Variants in BBX observed in about 807,000 individuals in gnomAD.
BBX encodes HMG box transcription factor BBX.
In BBX, 30 loss-of-function variants were observed where a neutral mutation model predicts 100.2. That is an observed-to-expected ratio of 0.30 (90% confidence interval 0.22 to 0.41). The LOEUF (loss-of-function observed/expected upper bound fraction) is 0.41. BBX is among the 10% of genes least tolerant of loss of function. BBX has a pLI of 1.00. For missense variants in BBX, 1,023 were observed against 1,129.8 expected, an observed-to-expected ratio of 0.91 and a Z score of 1.35; for synonymous variants, 376 against 388.1, an observed-to-expected ratio of 0.97 and a Z score of 0.37.
chr3:107,722,920 A>G (rs1017154510), intron 5 of BBX, among the ~76,000 whole-genome samples: 4 of 152,018 alleles, frequency 2.6e-5, no homozygotes, highest in African/African-American at 2.4e-5. Context: ...CCACCCTTGT[A>G]TAATGTAATT....
chr3:107,604,831 G>A (rs1576466249), intron 2 of BBX, among the ~76,000 whole-genome samples: 1 of 148,198 alleles, frequency 6.7e-6, no homozygotes, highest in Admixed American at 6.9e-5. Flanking sequence ...TCCACACAGG[G>A]AGATAATACA....
intron 3 of BBX, among the ~76,000 whole-genome samples, chr3:107,691,834 A>C (rs73850124): frequency 0.014 from 2,066 of 152,324 alleles, 41 homozygotes; most frequent in African/African-American, 0.048. Context: ...TACCAAAGTG[A>C]AAGTAGGTGG....
intron 15 of BBX, among the ~76,000 whole-genome samples, chr3:107,797,694 A>C (rs1313227468): frequency 6.6e-6 from 1 of 152,070 alleles, no homozygotes; most frequent in Non-Finnish European, 1.5e-5. Flanking sequence ...TAAGAAAATG[A>C]GTATGTAAGA....
chr3:107,524,812 G>GC (rs1375257653), intron 1 of BBX, among the ~76,000 whole-genome samples: 1 of 136,998 alleles, frequency 7.3e-6, no homozygotes, highest in Non-Finnish European at 1.6e-5. Flanking sequence ...TGGGGGGGGG[G>GC]GCGAAGGGGA....
chr3:107,584,936 C>T (rs1559842142), intron 2 of BBX, among the ~76,000 whole-genome samples: 1 of 151,902 alleles, frequency 6.6e-6, no homozygotes, highest in Non-Finnish European at 1.5e-5. Flanking sequence ...CCCACCTCGT[C>T]CTCCCAAAGT....
At chr3:107,673,243 G>A (rs765117139) in intron 3 of BBX, among the ~76,000 whole-genome samples, 1 of 152,018 alleles carries the variant, frequency 6.6e-6, no homozygotes, top group Non-Finnish European at 1.5e-5. Flanking sequence ...TAGAGAAAAC[G>A]TTCCTTGTAG....
At chr3:107,646,129 T>C (rs2057503891) in intron 3 of BBX, 1 of 152,202 alleles carries the variant, frequency 6.6e-6, no homozygotes, top group Non-Finnish European at 1.5e-5. Flanking sequence ...GTGTTAAAAC[T>C]AGCGGTTTCA....
intron 2 of BBX, among the ~76,000 whole-genome samples, chr3:107,611,163 A>G (rs776184881): frequency 1.3e-5 from 2 of 151,826 alleles, no homozygotes; most frequent in Non-Finnish European, 2.9e-5. Flanking sequence ...ACTTTTTAAC[A>G]TTTTGCTTTT....
At chr3:107,524,649 A>G (rs901279773) in intron 1 of BBX, 9 of 146,442 alleles carry the variant, frequency 6.1e-5, no homozygotes, top group South Asian at 2.2e-4. Context: ...CAGAGAGAGA[A>G]GCTATTTTTT....
chr3:107,565,378 G>A (rs2050802094), intron 2 of BBX, among the ~76,000 whole-genome samples: 1 of 149,756 alleles, frequency 6.7e-6, no homozygotes. Flanking sequence ...ATCCTTATTT[G>A]TACATATTTT....
At chr3:107,610,786 G>A (rs1438009893) in intron 2 of BBX, among the ~76,000 whole-genome samples, 9 of 149,982 alleles carry the variant, frequency 6.0e-5, no homozygotes, top group Non-Finnish European at 1.5e-5. Context: ...AGATCATTGG[G>A]TGTTTTTTTT....
chr3:107,662,665 A>G (rs1337310212), intron 3 of BBX: 3 of 109,692 alleles, frequency 2.7e-5, no homozygotes, highest in Admixed American at 2.0e-4. Flanking sequence ...TTTTTTTTGC[A>G]TTAGAAATTT....
At chr3:107,796,006 G>A (rs898176799) in intron 15 of BBX, among the ~76,000 whole-genome samples, 1 of 152,196 alleles carries the variant, frequency 6.6e-6, no homozygotes, top group Non-Finnish European at 1.5e-5. Flanking sequence ...GTGGTTTGTT[G>A]TTGTTGTTGC....
At chr3:107,756,863 A>G (rs550837112) in intron 10 of BBX, among the ~76,000 whole-genome samples, 4 of 152,264 alleles carry the variant, frequency 2.6e-5, no homozygotes, top group African/African-American at 7.2e-5. Context: ...GCAAAGTACT[A>G]CTCCAAACAG....
At chr3:107,799,579 G>T (rs1441923464) in intron 16 of BBX, among the ~76,000 whole-genome samples, 1 of 152,014 alleles carries the variant, frequency 6.6e-6, no homozygotes, top group East Asian at 1.9e-4. Flanking sequence ...ATCAGTATTT[G>T]ACCATGGTCT....
chr3:107,797,337 A>ATATAT (rs2069789795), intron 15 of BBX, among the ~76,000 whole-genome samples: 8 of 39,346 alleles, frequency 2.0e-4, no homozygotes, highest in African/African-American at 4.5e-4. Flanking sequence ...TTTTCTTCCA[A>ATATAT]ATATATATAT....
chr3:107,653,346 T>C (rs1211987396), intron 3 of BBX, among the ~76,000 whole-genome samples: 5 of 152,094 alleles, frequency 3.3e-5, no homozygotes, highest in African/African-American at 2.4e-5. Context: ...ACCCTGTGAG[T>C]GGAGTACATG....
chr3:107,777,512 T>G (rs1038897836), intron 12 of BBX, among the ~76,000 whole-genome samples: 4 of 152,196 alleles, frequency 2.6e-5, no homozygotes, highest in African/African-American at 9.6e-5. Flanking sequence ...ACAGCAGTTG[T>G]CCTACAGCCT....
chr3:107,810,313 T>C lies in BBX; in HGVS notation c.*4856T>C, dbSNP rs2108100966. On this transcript the variant is annotated 3_prime_UTR_variant, in exon 18 of 18. Coordinates refer to ENST00000325805, the MANE Select transcript of BBX (RefSeq NM_001142568.3). ...GAGGAAACCTTGTGGTTAAAAATTA[T>C]ATGGCTGCTGTTTTCTTTTTGCAGT... The C allele has an allele frequency of 6.6e-6, 1 of 152,198 alleles. No homozygotes were observed. The highest frequency in any genetic ancestry group is 2.1e-4 in the South Asian group (1 of 4,816). The allele number at this position is 152,198 out of a possible 1,614,324, so 9.4% of individuals were successfully genotyped here. A position where few individuals can be genotyped will look rare whatever the true frequency, so the allele number is the denominator to read the frequency against.
Sources: gnomAD v4.1 joint callset for allele counts (sites outside exome capture counted in the v4.1 genomes callset) on GRCh38, gnomAD v4.1.1 for gene constraint, MANE v1.5 for transcripts, NCBI Gene and HGNC (gene_info 2026-07-23, HGNC 2026-07-21) for gene names.